PTPRD: variants seen among roughly 807,000 people sequenced by gnomAD.
PTPRD encodes the protein protein tyrosine phosphatase receptor type D.
A neutral mutation model predicts 214.5 loss-of-function variants in PTPRD; 34 were observed. That is an observed-to-expected ratio of 0.16 (90% CI 0.12 to 0.21). The LOEUF (loss-of-function observed/expected upper bound fraction) is 0.21. PTPRD is among the 10% of genes least tolerant of loss of function. The probability of loss-of-function intolerance (pLI) is 1.00; values close to 1 mark genes in which losing one functional copy is unlikely to be tolerated. For synonymous variants in PTPRD, 1,128 were observed against 845.7 expected, an observed-to-expected ratio of 1.33 and a Z score of -5.79; for missense variants, 2,545 against 2,398.7, an observed-to-expected ratio of 1.06 and a Z score of -1.27.
chr9:9,789,848 AG>A (rs1431237294), intron 5 of PTPRD, among the ~76,000 whole-genome samples: 3 of 151,342 alleles, frequency 2.0e-5, no homozygotes, highest in Non-Finnish European at 4.4e-5. Context: ...GTAATTTATC[AG>A]GACAAGTGCA....
At chr9:9,005,929 T>C (rs1182588748) in intron 11 of PTPRD, among the ~76,000 whole-genome samples, 2 of 152,064 alleles carry the variant, frequency 1.3e-5, no homozygotes, top group Non-Finnish European at 2.9e-5. Context: ...ATGTGATGAT[T>C]ATTTGGAAAA....
chr9:8,704,902 G>A (rs972007967), intron 12 of PTPRD, among the ~76,000 whole-genome samples: 8 of 151,826 alleles, frequency 5.3e-5, no homozygotes, highest in East Asian at 1.9e-4. Context: ...TAGCCCGGGC[G>A]ATAGAGCAAG....
chr9:10,272,805 A>C (rs995116462), intron 3 of PTPRD, among the ~76,000 whole-genome samples: 23 of 152,330 alleles, frequency 1.5e-4, no homozygotes, highest in African/African-American at 5.5e-4. Flanking sequence ...TTGCCTTTTT[A>C]AAATTCTAAT....
intron 3 of PTPRD, among the ~76,000 whole-genome samples, chr9:10,167,360 G>C (rs1428891247): frequency 1.3e-5 from 2 of 151,968 alleles, no homozygotes; most frequent in African/African-American, 4.8e-5. Flanking sequence ...TAAAAACAAA[G>C]GAACAGAATG....
intron 10 of PTPRD, among the ~76,000 whole-genome samples, chr9:9,162,415 C>T (rs1233759996): frequency 6.6e-6 from 1 of 152,160 alleles, no homozygotes; most frequent in Non-Finnish European, 1.5e-5. Context: ...TTACTTAAAA[C>T]CACTGGGGGA....
At chr9:8,653,543 G>C (rs2096853965) in intron 12 of PTPRD, among the ~76,000 whole-genome samples, 1 of 151,990 alleles carries the variant, frequency 6.6e-6, no homozygotes, top group East Asian at 1.9e-4. Context: ...AGAATCCCCA[G>C]TCTGTTCTGA....
At chr9:9,838,051 G>C (rs1285030185) in intron 5 of PTPRD, among the ~76,000 whole-genome samples, 1 of 152,140 alleles carries the variant, frequency 6.6e-6, no homozygotes, top group African/African-American at 2.4e-5. Context: ...AGTTTACTGA[G>C]AATGATGATT....
At chr9:10,047,913 A>C (rs772137796) in intron 3 of PTPRD, among the ~76,000 whole-genome samples, 7 of 152,068 alleles carry the variant, frequency 4.6e-5, no homozygotes, top group Non-Finnish European at 8.8e-5. Context: ...CTCACTACCC[A>C]CCTTACTCTA....
rs958708557 is a variant in PTPRD at position 8,586,933 on chromosome 9, G to T, written c.352+46384C>A. On this transcript the variant is annotated intron_variant, in intron 14 of 45. Transcript: ENST00000381196. Reference sequence around the variant, plus strand: ...GAGACTGAGGTGGGCGGACCATGAGGTCGGAAGATTGAGACCATCCTGACT... The same window carrying T: ...GAGACTGAGGTGGGCGGACCATGAGTTCGGAAGATTGAGACCATCCTGACT... Among the ~76,000 whole-genome samples, 51 of 152,298 alleles carry T rather than the reference G, an allele frequency of 3.3e-4. 1 individual carries two copies. Among genetic ancestry groups the T allele is most frequent in the African/African-American group, 1.2e-3 (50 of 41,556 alleles).
intron 3 of PTPRD, among the ~76,000 whole-genome samples, chr9:10,071,647 G>T (rs1012894814): frequency 6.6e-6 from 1 of 151,846 alleles, no homozygotes; most frequent in African/African-American, 2.4e-5. Flanking sequence ...AAGGATTGTA[G>T]GTCTAAAAAT....
At chr9:10,049,704 G>A (rs1490246364) in intron 3 of PTPRD, among the ~76,000 whole-genome samples, 1 of 152,192 alleles carries the variant, frequency 6.6e-6, no homozygotes, top group Admixed American at 6.5e-5. Context: ...TGTATACCAA[G>A]TAGGGCTGAT....
chr9:8,735,624 T>A (rs1215798989), intron 11 of PTPRD, among the ~76,000 whole-genome samples: 3 of 152,134 alleles, frequency 2.0e-5, no homozygotes, highest in Non-Finnish European at 2.9e-5. Flanking sequence ...AGAAAATGGT[T>A]CAGAGTCAGG....
intron 7 of PTPRD, among the ~76,000 whole-genome samples, chr9:9,722,014 C>T (rs139201589): frequency 6.6e-6 from 1 of 152,040 alleles, no homozygotes; most frequent in Non-Finnish European, 1.5e-5. Flanking sequence ...GTCTTATCTC[C>T]TTAAGTTTTA....
intron 44 of PTPRD, among the ~76,000 whole-genome samples, chr9:8,324,851 G>C (rs1320909254): frequency 1.3e-5 from 2 of 152,206 alleles, no homozygotes; most frequent in Non-Finnish European, 2.9e-5. Context: ...CTAATGACCA[G>C]TGATAGTGAG....
intron 10 of PTPRD, among the ~76,000 whole-genome samples, chr9:9,120,282 G>A (rs147732706): frequency 2.0e-5 from 3 of 152,238 alleles, no homozygotes; most frequent in Non-Finnish European, 4.4e-5. Flanking sequence ...TTGCAGAACA[G>A]TGTATGGGGG....
intron 11 of PTPRD, among the ~76,000 whole-genome samples, chr9:8,898,003 TTC>T (rs997671722): frequency 2.0e-5 from 3 of 152,320 alleles, no homozygotes; most frequent in Non-Finnish European, 4.4e-5. Context: ...ATGACACATT[TTC>T]TCTGATTCAT....
chr9:8,643,276 C>G (rs189678176), intron 12 of PTPRD, among the ~76,000 whole-genome samples: 1 of 151,794 alleles, frequency 6.6e-6, no homozygotes, highest in African/African-American at 2.4e-5. Flanking sequence ...TTCAAAGAGT[C>G]TTGCAAGATG....
Position 10,548,924 on chromosome 9 carries a change from G to C in PTPRD, c.-600+63474C>G, listed in dbSNP as rs568591952. On this transcript the variant is annotated intron_variant, in intron 2 of 45. Coordinates refer to ENST00000381196, the MANE Select transcript of PTPRD (RefSeq NM_002839.4). ...AAAATTCTGGATAGCAACCAACTGTGAACACATAACCATTAAATCGCAAAG... is the reference window on the plus strand; with the variant it reads ...AAAATTCTGGATAGCAACCAACTGTCAACACATAACCATTAAATCGCAAAG... Among the ~76,000 whole-genome samples, 17 of 152,230 alleles carry C rather than the reference G, an allele frequency of 1.1e-4. No individual in the cohort carries two copies. In the East Asian group the frequency reaches 3.1e-3, roughly 28 times the overall value.
intron 5 of PTPRD, among the ~76,000 whole-genome samples, chr9:9,823,350 A>C (rs2051466854): frequency 6.6e-6 from 1 of 151,980 alleles, no homozygotes; most frequent in South Asian, 2.1e-4. Flanking sequence ...GGCGGAGATG[A>C]CACGTACTTT....
Sources: gnomAD v4.1 joint callset for allele counts (sites outside exome capture counted in the v4.1 genomes callset) on GRCh38, gnomAD v4.1.1 for gene constraint, MANE v1.5 for transcripts, NCBI Gene and HGNC (gene_info 2026-07-23, HGNC 2026-07-21) for gene names.